CNTN4: variants seen among roughly 807,000 people sequenced by gnomAD.
The protein encoded by CNTN4 is contactin 4.
CNTN4 carries 77 observed loss-of-function variants against 122.5 expected under a neutral mutation model. That is an observed-to-expected ratio of 0.63 (90% confidence interval 0.52 to 0.76). CNTN4 has a LOEUF of 0.76. CNTN4 is among the 30% of genes least tolerant of loss of function. The pLI is 0.00. For synonymous variants in CNTN4, 512 were observed against 447.0 expected, an observed-to-expected ratio of 1.15 and a Z score of -1.83; for missense variants, 1,256 against 1,259.1, an observed-to-expected ratio of 1.00 and a Z score of 0.04.
intron 3 of CNTN4, among the ~76,000 whole-genome samples, chr3:2,489,123 T>C (rs958494385): frequency 2.6e-5 from 4 of 152,226 alleles, no homozygotes; most frequent in African/African-American, 9.6e-5. Flanking sequence ...TGACTCAGTT[T>C]ACTTTTTGGT....
intron 4 of CNTN4, among the ~76,000 whole-genome samples, chr3:2,653,560 A>G (rs1169072898): frequency 6.6e-6 from 1 of 152,208 alleles, no homozygotes; most frequent in Non-Finnish European, 1.5e-5. Flanking sequence ...TAAGTCAACT[A>G]AAGATTGGTC....
chr3:2,284,665 T>C (rs1218013788), intron 2 of CNTN4, among the ~76,000 whole-genome samples: 1 of 152,042 alleles, frequency 6.6e-6, no homozygotes, highest in Non-Finnish European at 1.5e-5. Context: ...TGAAATCAAA[T>C]TCCTGCAATA....
rs80173947 is a variant in CNTN4, at chr3:2,375,504, C to T, written c.-89+36271C>T. Among the ~76,000 whole-genome samples the T allele has an allele frequency of 8.3e-3, 1,260 of 152,200 alleles. 15 individuals carry two copies. Among genetic ancestry groups the T allele is most frequent in the African/African-American group, 0.028 (1,179 of 41,544 alleles). On this transcript the variant is annotated intron_variant, in intron 3 of 24. Coordinates refer to ENST00000418658, the MANE Select transcript of CNTN4 (RefSeq NM_175607.3). The stretch of plus-strand genomic sequence containing the variant: ...CCTAAGCTTCTCTAGCAGAAAAGGC[C>T]GCCTGGGTGCATCAGTTAAGTTACA...
intron 13 of CNTN4, among the ~76,000 whole-genome samples, chr3:2,963,618 T>C (rs2094883534): frequency 6.6e-6 from 1 of 152,160 alleles, no homozygotes; most frequent in South Asian, 2.1e-4. Context: ...GCTCAAGTAA[T>C]ACAAAGAGAG....
At chr3:2,422,317 C>G (rs1262093238) in intron 3 of CNTN4, among the ~76,000 whole-genome samples, 1 of 152,190 alleles carries the variant, frequency 6.6e-6, no homozygotes, top group African/African-American at 2.4e-5. Flanking sequence ...AGTAGTAGTT[C>G]AGGAGTTAGG....
At chr3:2,117,632 G>A (rs564541079) in intron 2 of CNTN4, among the ~76,000 whole-genome samples, 32 of 152,236 alleles carry the variant, frequency 2.1e-4, no homozygotes, top group African/African-American at 6.5e-4. Flanking sequence ...CCATTCATCC[G>A]CTAATTAGCA....
chr3:3,028,040 C>G (rs1215807999), intron 15 of CNTN4, among the ~76,000 whole-genome samples: 1 of 152,128 alleles, frequency 6.6e-6, no homozygotes, highest in Non-Finnish European at 1.5e-5. Context: ...CCACTAGGAT[C>G]ATTAATGTCT....
chr3:2,354,641 C>G (rs1457787863), intron 3 of CNTN4, among the ~76,000 whole-genome samples: 4 of 152,108 alleles, frequency 2.6e-5, no homozygotes, highest in Non-Finnish European at 5.9e-5. Context: ...CAGTGAAGTA[C>G]TAATAGGGAC....
At chr3:2,692,586 C>T (rs1212775426) in intron 4 of CNTN4, among the ~76,000 whole-genome samples, 1 of 151,936 alleles carries the variant, frequency 6.6e-6, no homozygotes, top group Non-Finnish European at 1.5e-5. Flanking sequence ...CTAAAATATC[C>T]GGCAACAGTA....
At chr3:3,034,835 T>C in intron 17 of CNTN4, 45 bp downstream of exon 17, 1 of 1,595,318 alleles carries the variant, frequency 6.3e-7, no homozygotes, top group South Asian at 1.1e-5. Flanking sequence ...GAACTCAGCA[T>C]ACTGGACACA....
At chr3:2,671,640 G>A (rs183461883) in intron 4 of CNTN4, among the ~76,000 whole-genome samples, 425 of 152,258 alleles carry the variant, frequency 2.8e-3, no homozygotes, top group African/African-American at 9.7e-3. Flanking sequence ...GAGGAGCTGC[G>A]TTCCTTTGGA....
At position 2,329,721 on chromosome 3, in the gene CNTN4, T is replaced by C. The variant is rs530484237; in HGVS notation, c.-144-9457T>C. Among the ~76,000 whole-genome samples the C allele has an allele frequency of 3.0e-5, 4 of 133,732 alleles. No individual in the cohort carries two copies. In the South Asian group the frequency reaches 1.0e-3, roughly 35 times the overall value. 87.7% of individuals were successfully genotyped at this position (133,732 alleles called of 152,430 possible). A position where few individuals can be genotyped will look rare whatever the true frequency, so the allele number is the denominator to read the frequency against. ...ATCTATAAAATGAGATAATACACTCTGCCTTATTGAGGCATTTTTTTTTAT... is the reference window on the plus strand; with the variant it reads ...ATCTATAAAATGAGATAATACACTCCGCCTTATTGAGGCATTTTTTTTTAT... On this transcript the variant is annotated intron_variant, in intron 2 of 24. Coordinates refer to ENST00000418658, the MANE Select transcript of CNTN4 (RefSeq NM_175607.3).
intron 3 of CNTN4, among the ~76,000 whole-genome samples, chr3:2,462,654 G>A (rs952710369): frequency 6.6e-6 from 1 of 152,094 alleles, no homozygotes; most frequent in Non-Finnish European, 1.5e-5. Context: ...ATAAAAAGAG[G>A]AATAAAAATA....
chr3:2,404,245 C>T (rs1404455476), intron 3 of CNTN4, among the ~76,000 whole-genome samples: 1 of 152,150 alleles, frequency 6.6e-6, no homozygotes, highest in Non-Finnish European at 1.5e-5. Flanking sequence ...CAGCATGGAT[C>T]TCTGCTTAGG....
At chr3:2,116,731 T>G (rs909427306) in intron 2 of CNTN4, among the ~76,000 whole-genome samples, 2 of 152,176 alleles carry the variant, frequency 1.3e-5, no homozygotes, top group Non-Finnish European at 2.9e-5. Flanking sequence ...TGTTTCTGAC[T>G]ATGGAACAAT....
chr3:2,304,543 A>G (rs148529133), intron 2 of CNTN4, among the ~76,000 whole-genome samples: 7 of 152,198 alleles, frequency 4.6e-5, no homozygotes, highest in Admixed American at 1.3e-4. Flanking sequence ...TATGAGGAAG[A>G]CACTTAACAT....
At position 2,919,081 on chromosome 3, in the gene CNTN4, C is replaced by T. The variant is rs955950149; in HGVS notation, c.1208-6548C>T. ...CTTTTTGGCTGGTCATGGTGGCTTA[C>T]GCCTATAATCCCAGCACTTTGGGAG... On this transcript the variant is annotated intron_variant, in intron 12 of 24. Coordinates refer to ENST00000418658, the MANE Select transcript of CNTN4 (RefSeq NM_175607.3). 7.2e-5 allele frequency among the ~76,000 whole-genome samples: 11 copies of T among 152,088 alleles called. No individual in the cohort carries two copies. The South Asian group carries it at 8.3e-4, about 11-fold the overall frequency.
intron 8 of CNTN4, among the ~76,000 whole-genome samples, chr3:2,879,033 A>G (rs2093877804): frequency 6.6e-6 from 1 of 152,156 alleles, no homozygotes. Flanking sequence ...TTGTCCCTCA[A>G]ATAGATATGG....
In CNTN4 at chr3:3,056,357, G is replaced by A. The variant is rs163352; in HGVS notation, c.*137G>A. 4.0e-5 allele frequency: 29 copies of A among 724,770 alleles called. No individual in the cohort carries two copies. The South Asian group carries it at 4.4e-4, about 11-fold the overall frequency. The allele number at this position is 724,770 out of a possible 1,614,324, so 44.9% of individuals were successfully genotyped here. On this transcript the variant is annotated 3_prime_UTR_variant, in exon 25 of 25. Transcript: ENST00000418658. ...AATAAAAATGTTTTTTGCTTCTTTA[G>A]GAATGGCATTATACAGTACTTCCTC...
Sources: gnomAD v4.1 joint callset for allele counts (sites outside exome capture counted in the v4.1 genomes callset) on GRCh38, gnomAD v4.1.1 for gene constraint, MANE v1.5 for transcripts, NCBI Gene and HGNC (gene_info 2026-07-23, HGNC 2026-07-21) for gene names.